TENM3: variants seen among roughly 807,000 people sequenced by gnomAD.
TENM3 encodes teneurin-3.
Under a neutral mutation model 255.1 loss-of-function variants are expected in TENM3, and 63 were observed. That is an observed-to-expected ratio of 0.25 (90% CI 0.20 to 0.30). The LOEUF is 0.30. Ranked by LOEUF, TENM3 falls within the 10% of genes least tolerant of loss-of-function variation. The probability of loss-of-function intolerance (pLI) is 1.00; values close to 1 mark genes in which losing one functional copy is unlikely to be tolerated. For missense variants in TENM3, 2,929 were observed against 3,461.1 expected, an observed-to-expected ratio of 0.85 and a Z score of 3.86; for synonymous variants, 1,306 against 1,322.3, an observed-to-expected ratio of 0.99 and a Z score of 0.27.
At chr4:182,097,417 G>A in the TENM3 span, among the ~76,000 whole-genome samples, 9 of 152,126 alleles carry the variant, frequency 5.9e-5, no homozygotes, top group South Asian at 1.7e-3. Context: ...CACAATTATA[G>A]CCCAGGACAT....
At chr4:182,760,065 A>G (rs1345359636) in intron 22 of TENM3, among the ~76,000 whole-genome samples, 1 of 152,158 alleles carries the variant, frequency 6.6e-6, no homozygotes, top group Non-Finnish European at 1.5e-5. Context: ...TGAGTAAACC[A>G]TCTTGGCTCT....
chr4:181,644,937 G>A, the TENM3 span, among the ~76,000 whole-genome samples: 1 of 152,056 alleles, frequency 6.6e-6, no homozygotes, highest in African/African-American at 2.4e-5. Flanking sequence ...GAGAGGAGGA[G>A]AGGCTGGTAA....
intron 1 of TENM3, among the ~76,000 whole-genome samples, chr4:182,165,182 A>G (rs1050019458): frequency 2.0e-5 from 3 of 152,090 alleles, no homozygotes; most frequent in African/African-American, 7.2e-5. Context: ...CTCCAGGGAA[A>G]CTCAGATCCC....
intron 1 of TENM3, among the ~76,000 whole-genome samples, chr4:182,157,294 G>A (rs1750781466): frequency 6.6e-6 from 1 of 152,198 alleles, no homozygotes; most frequent in Admixed American, 6.5e-5. Context: ...ACAAAGTGGG[G>A]CATTGGAAGC....
chr4:181,648,253 ACG>A, the TENM3 span, among the ~76,000 whole-genome samples: 9 of 152,156 alleles, frequency 5.9e-5, no homozygotes, highest in African/African-American at 9.7e-5. Context: ...GTGCTGCTAA[ACG>A]CTAGAACATG....
rs763018039 is a variant in TENM3 at position 182,751,844 on chromosome 4, C to T, written c.3674C>T (p.Thr1225Met). ...HRYYLATDPV[T>M]GDLYVSDTNT... ...TACTACCTTGCAACGGATCCAGTCACGGGAGATCTGTACGTTTCTGACACA... is the reference window on the plus strand; with the variant it reads ...TACTACCTTGCAACGGATCCAGTCATGGGAGATCTGTACGTTTCTGACACA... The change falls in exon 20 of 28, where the codon ACG becomes ATG. Residue 1225 changes from threonine to methionine, a missense_variant. Transcript: ENST00000511685. The T allele has an allele frequency of 4.0e-5, 65 of 1,613,926 alleles. No individual in the cohort carries two copies. Among genetic ancestry groups the T allele is most frequent in the Admixed American group, 1.8e-4 (11 of 60,022 alleles).
chr4:181,703,526 C>A, the TENM3 span, among the ~76,000 whole-genome samples: 3 of 152,106 alleles, frequency 2.0e-5, no homozygotes, highest in Admixed American at 1.3e-4. Flanking sequence ...TGCGTTAAAA[C>A]CTTCTCCCTC....
intron 1 of TENM3, among the ~76,000 whole-genome samples, chr4:182,201,857 T>C (rs1036824084): frequency 6.6e-6 from 1 of 152,202 alleles, no homozygotes; most frequent in African/African-American, 2.4e-5. Flanking sequence ...TTAATTCTAG[T>C]ACTGAAATTT....
chr4:182,693,376 G>T (rs576289322), intron 12 of TENM3, among the ~76,000 whole-genome samples: 2 of 148,694 alleles, frequency 1.3e-5, no homozygotes, highest in African/African-American at 5.0e-5. Flanking sequence ...TCACTCTGTC[G>T]CCCAGGCTGG....
the TENM3 span, among the ~76,000 whole-genome samples, chr4:181,999,771 G>A: frequency 6.6e-6 from 1 of 152,060 alleles, no homozygotes; most frequent in Admixed American, 6.6e-5. Flanking sequence ...TGTTATTATG[G>A]AAATGTGACT....
the TENM3 span, among the ~76,000 whole-genome samples, chr4:182,053,199 C>G: frequency 1.3e-5 from 2 of 152,010 alleles, no homozygotes; most frequent in Non-Finnish European, 2.9e-5. Context: ...CCTCTACAAA[C>G]CAAAAATGGT....
At chr4:181,470,033 C>T in the TENM3 span, among the ~76,000 whole-genome samples, 3 of 147,800 alleles carry the variant, frequency 2.0e-5, no homozygotes, top group Admixed American at 6.9e-5. Context: ...TCCTTCCCAA[C>T]ATGTGACTGT....
chr4:181,687,387 C>G, the TENM3 span, among the ~76,000 whole-genome samples: 8 of 152,290 alleles, frequency 5.3e-5, no homozygotes, highest in South Asian at 1.7e-3. Flanking sequence ...ATAGCACAAA[C>G]TTTTGTAGAA....
chr4:182,564,653 A>G (rs1743585621), intron 3 of TENM3, among the ~76,000 whole-genome samples: 1 of 149,788 alleles, frequency 6.7e-6, no homozygotes, highest in East Asian at 2.0e-4. Context: ...TTGAAGGCAT[A>G]TTTGTTTCCT....
the TENM3 span, among the ~76,000 whole-genome samples, chr4:181,615,343 GCT>G: frequency 6.6e-6 from 1 of 152,070 alleles, no homozygotes; most frequent in Non-Finnish European, 1.5e-5. Flanking sequence ...CCTGACCGCA[GCT>G]CAGGATCTTT....
chr4:182,194,536 A>G (rs1183211105), intron 1 of TENM3, among the ~76,000 whole-genome samples: 4 of 152,166 alleles, frequency 2.6e-5, no homozygotes, highest in Non-Finnish European at 5.9e-5. Context: ...CTCAATATGC[A>G]CTCCTTGGCT....
intron 12 of TENM3, among the ~76,000 whole-genome samples, chr4:182,697,098 T>C (rs1468457022): frequency 6.6e-6 from 1 of 152,196 alleles, no homozygotes; most frequent in East Asian, 1.9e-4. Context: ...TGGCACACAG[T>C]AAACACCCTA....
chr4:181,603,110 C>T, the TENM3 span, among the ~76,000 whole-genome samples: 3 of 152,146 alleles, frequency 2.0e-5, no homozygotes, highest in Non-Finnish European at 4.4e-5. Flanking sequence ...ACTCAACATG[C>T]AACTCCTAGG....
chr4:182,196,791 T>C (rs1192350918), intron 1 of TENM3, among the ~76,000 whole-genome samples: 1 of 152,224 alleles, frequency 6.6e-6, no homozygotes, highest in Non-Finnish European at 1.5e-5. Context: ...TACCCTGATG[T>C]TTTTAAAACA....
Sources: gnomAD v4.1 joint callset for allele counts (sites outside exome capture counted in the v4.1 genomes callset) on GRCh38, gnomAD v4.1.1 for gene constraint, MANE v1.5 for transcripts, NCBI Gene and HGNC (gene_info 2026-07-23, HGNC 2026-07-21) for gene names.